The following TBX5 variants were observed in gnomAD, a reference collection of about 807,000 sequenced individuals.
TBX5 encodes the protein T-box transcription factor TBX5.
Under a neutral mutation model 51.1 loss-of-function variants are expected in TBX5, and 8 were observed. The ratio of observed to expected loss-of-function variants is 0.16; its 90% CI spans 0.09 to 0.28. TBX5 has a LOEUF of 0.28. Ranked by LOEUF, TBX5 falls within the 10% of genes least tolerant of loss-of-function variation. The pLI, the probability that TBX5 is intolerant of heterozygous loss-of-function variation, is 1.00. For missense variants in TBX5, 589 were observed against 671.7 expected, an observed-to-expected ratio of 0.88 and a Z score of 1.36; for synonymous variants, 302 against 266.4, an observed-to-expected ratio of 1.13 and a Z score of -1.30.
In TBX5 at chr12:114,404,508, T is replaced by C. The variant is rs184347398; in HGVS notation, c.-38-572A>G. Reference sequence around the variant, plus strand: ...ACACAGAAGGGGAAGGTTGTGCAGATTGAGACTAGGTTCAAAAGAGAATTC... The same window carrying C: ...ACACAGAAGGGGAAGGTTGTGCAGACTGAGACTAGGTTCAAAAGAGAATTC... On this transcript the variant is annotated intron_variant, in intron 1 of 8. Transcript: ENST00000405440. Among the ~76,000 whole-genome samples, 453 of 152,270 alleles carry C rather than the reference T, an allele frequency of 3.0e-3. 10 individuals carry two copies. The highest frequency in any genetic ancestry group is 6.8e-3 in the Middle Eastern group (2 of 294).
intron 6 of TBX5, among the ~76,000 whole-genome samples, chr12:114,393,324 C>T (rs1871257893): frequency 6.6e-6 from 1 of 152,114 alleles, no homozygotes; most frequent in Non-Finnish European, 1.5e-5. Context: ...CCTCACAGAT[C>T]CCATATGGAC....
chr12:114,396,261 G>A (rs865797623), intron 5 of TBX5, among the ~76,000 whole-genome samples: 11 of 151,862 alleles, frequency 7.2e-5, no homozygotes, highest in South Asian at 4.2e-4. Flanking sequence ...GGCCGATAGC[G>A]ACGCCGACCG....
intron 7 of TBX5, among the ~76,000 whole-genome samples, chr12:114,368,917 GT>G (rs1243770977): frequency 2.0e-5 from 3 of 151,900 alleles, no homozygotes; most frequent in Non-Finnish European, 4.4e-5. Context: ...AGCCGCACCA[GT>G]CAGAATCTCC....
chr12:114,387,369 T>C (rs1476180004), intron 6 of TBX5, among the ~76,000 whole-genome samples: 1 of 152,224 alleles, frequency 6.6e-6, no homozygotes, highest in Non-Finnish European at 1.5e-5. Flanking sequence ...TTATTATATG[T>C]ATGTGCACCT....
chr12:114,395,055 AG>A (rs1168281139), intron 5 of TBX5, among the ~76,000 whole-genome samples, 162 bp from the exon 6 acceptor site: 1 of 152,242 alleles, frequency 6.6e-6, no homozygotes, highest in African/African-American at 2.4e-5. Context: ...TTCATTAAAA[AG>A]AAACATTTCA....
At chr12:114,381,782 C>T (rs1870518193) in intron 7 of TBX5, among the ~76,000 whole-genome samples, 1 of 152,160 alleles carries the variant, frequency 6.6e-6, no homozygotes, top group Non-Finnish European at 1.5e-5. Flanking sequence ...TTTCTCCTTC[C>T]CCAAGGACAT....
intron 5 of TBX5, among the ~76,000 whole-genome samples, chr12:114,395,491 C>T (rs1033721927): frequency 2.0e-5 from 3 of 152,058 alleles, no homozygotes; most frequent in African/African-American, 7.2e-5. Flanking sequence ...ACAAGCAAAG[C>T]AGAGTTCGTG....
chr12:114,358,777 T>TTTTTGTTTG (rs113855505), intron 8 of TBX5, among the ~76,000 whole-genome samples: 4 of 150,584 alleles, frequency 2.7e-5, no homozygotes, highest in South Asian at 2.1e-4. Context: ...GCGGGGTTTT[T>TTTTTGTTTG]TTTGTTTGTT....
chr12:114,387,567 T>G (rs1870885675), intron 6 of TBX5, among the ~76,000 whole-genome samples: 1 of 152,210 alleles, frequency 6.6e-6, no homozygotes, highest in Non-Finnish European at 1.5e-5. Flanking sequence ...AACTACTCCC[T>G]ATGATACTAT....
At chr12:114,363,992 G>C (rs1869379435) in intron 8 of TBX5, among the ~76,000 whole-genome samples, 1 of 152,192 alleles carries the variant, frequency 6.6e-6, no homozygotes, top group African/African-American at 2.4e-5. Flanking sequence ...GGGCCTGTTG[G>C]AGTGATATTG....
chr12:114,372,534 C>G (rs1182269719), intron 7 of TBX5, among the ~76,000 whole-genome samples: 1 of 150,504 alleles, frequency 6.6e-6, no homozygotes, highest in Non-Finnish European at 1.5e-5. Flanking sequence ...TGGTTTTGAT[C>G]TGGCCTCAAG....
At chr12:114,376,615 A>C (rs1407723780) in intron 7 of TBX5, among the ~76,000 whole-genome samples, 1 of 151,582 alleles carries the variant, frequency 6.6e-6, no homozygotes, top group Non-Finnish European at 1.5e-5. Context: ...AGTATTGTGT[A>C]CTTAAAATTA....
chr12:114,389,865 T>C (rs943924134), intron 6 of TBX5, among the ~76,000 whole-genome samples: 1 of 146,706 alleles, frequency 6.8e-6, no homozygotes, highest in Non-Finnish European at 1.5e-5. Flanking sequence ...TCGAAGATGG[T>C]GAGGCTGTGA....
chr12:114,394,493 T>G (rs1294680271), intron 6 of TBX5, among the ~76,000 whole-genome samples: 1 of 152,162 alleles, frequency 6.6e-6, no homozygotes, highest in East Asian at 1.9e-4. Context: ...CATCTATGGT[T>G]TGACAAGTTT....
intron 1 of TBX5, among the ~76,000 whole-genome samples, chr12:114,404,486 C>T (rs1872068157): frequency 6.6e-6 from 1 of 152,026 alleles, no homozygotes; most frequent in Middle Eastern, 3.2e-3. Context: ...AAGAAAAACA[C>T]AGAAGGGGAA....
At chr12:114,359,389 C>T (rs1246590392) in intron 8 of TBX5, among the ~76,000 whole-genome samples, 1 of 152,004 alleles carries the variant, frequency 6.6e-6, no homozygotes, top group Non-Finnish European at 1.5e-5. Flanking sequence ...CTTTGAGAGC[C>T]CAATAACTGT....
At chr12:114,357,788 C>T (rs1337924397) in intron 8 of TBX5, among the ~76,000 whole-genome samples, 1 of 152,208 alleles carries the variant, frequency 6.6e-6, no homozygotes, top group East Asian at 1.9e-4. Flanking sequence ...TCTCTTTCCT[C>T]ATCTTTCTGT....
chr12:114,390,758 C>T (rs1235962245), intron 6 of TBX5, among the ~76,000 whole-genome samples: 1 of 152,168 alleles, frequency 6.6e-6, no homozygotes, highest in Non-Finnish European at 1.5e-5. Flanking sequence ...GTTGCAAGAA[C>T]AGGGAAATGA....
chr12:114,362,594 A>C (rs1227659855), intron 8 of TBX5, among the ~76,000 whole-genome samples: 3 of 152,158 alleles, frequency 2.0e-5, no homozygotes, highest in Non-Finnish European at 2.9e-5. Flanking sequence ...CCTACCCTAG[A>C]CTGACACTCC....
Sources: allele counts gnomAD v4.1 joint callset (sites outside exome capture counted in the v4.1 genomes callset), GRCh38; gene constraint gnomAD v4.1.1; transcripts MANE v1.5; gene names NCBI Gene and HGNC (gene_info 2026-07-23, HGNC 2026-07-21).